Variants in SPMIP2 observed in about 807,000 individuals in gnomAD.
The protein encoded by SPMIP2 is sperm microtubule inner protein 2, also known as protein SPMIP2.
the SPMIP2 span, among the ~76,000 whole-genome samples, chr4:158,992,820 T>TA: frequency 6.6e-6 from 1 of 152,172 alleles, no homozygotes; most frequent in East Asian, 1.9e-4. Context: ...ATAAAGGCTT[T>TA]AATCTCATTC....
chr4:158,922,317 TC>T, the SPMIP2 span, among the ~76,000 whole-genome samples: 1 of 152,082 alleles, frequency 6.6e-6, no homozygotes, highest in Non-Finnish European at 1.5e-5. Context: ...CAGGATGCTC[TC>T]CCCAACAGAC....
At chr4:158,951,289 T>G in the SPMIP2 span, among the ~76,000 whole-genome samples, 5 of 152,222 alleles carry the variant, frequency 3.3e-5, no homozygotes. Context: ...AGAGTGTACT[T>G]ACACAAACCT....
At chr4:158,979,440 G>T in the SPMIP2 span, among the ~76,000 whole-genome samples, 1 of 152,136 alleles carries the variant, frequency 6.6e-6, no homozygotes, top group African/African-American at 2.4e-5. Context: ...TGGCAAGATG[G>T]CTGAGTAGAA....
At chr4:158,971,693 T>C in the SPMIP2 span, among the ~76,000 whole-genome samples, 2 of 152,168 alleles carry the variant, frequency 1.3e-5, no homozygotes, top group Non-Finnish European at 2.9e-5. Flanking sequence ...TACATGCTAG[T>C]TACTGCTTCT....
At chr4:159,071,146 T>G in the SPMIP2 span, among the ~76,000 whole-genome samples, 2 of 152,172 alleles carry the variant, frequency 1.3e-5, no homozygotes, top group Non-Finnish European at 2.9e-5. Context: ...GCAAAAAAAA[T>G]TATTAGTGGC....
chr4:158,969,527 A>G, the SPMIP2 span, among the ~76,000 whole-genome samples: 1 of 152,220 alleles, frequency 6.6e-6, no homozygotes, highest in Non-Finnish European at 1.5e-5. Flanking sequence ...ACATTAAAAA[A>G]TCTGGAAGAG....
At chr4:159,009,625 C>CATGG in the SPMIP2 span, among the ~76,000 whole-genome samples, 4 of 152,236 alleles carry the variant, frequency 2.6e-5, no homozygotes, top group South Asian at 8.3e-4. Flanking sequence ...ATCTTATCTT[C>CATGG]AAATGTCCCC....
At chr4:158,920,719 T>A in the SPMIP2 span, among the ~76,000 whole-genome samples, 1 of 152,250 alleles carries the variant, frequency 6.6e-6, no homozygotes, top group African/African-American at 2.4e-5. Flanking sequence ...ACAGAGACCC[T>A]TATCAGTAGT....
At chr4:158,944,457 T>G in the SPMIP2 span, among the ~76,000 whole-genome samples, 30 of 152,314 alleles carry the variant, frequency 2.0e-4, no homozygotes, top group African/African-American at 6.5e-4. Context: ...CAATCAGAGT[T>G]TGAATTTCCT....
chr4:159,070,886 G>T, the SPMIP2 span, among the ~76,000 whole-genome samples: 1 of 152,162 alleles, frequency 6.6e-6, no homozygotes, highest in South Asian at 2.1e-4. Context: ...GTTGCCAGGC[G>T]AGAACTCATC....
the SPMIP2 span, among the ~76,000 whole-genome samples, chr4:159,060,115 G>C: frequency 1.2e-4 from 19 of 152,174 alleles, no homozygotes; most frequent in Non-Finnish European, 2.2e-4. Flanking sequence ...TGAATTTCCA[G>C]TAGAATTCTA....
At chr4:159,063,923 T>C in the SPMIP2 span, among the ~76,000 whole-genome samples, 1 of 152,190 alleles carries the variant, frequency 6.6e-6, no homozygotes, top group Non-Finnish European at 1.5e-5. Context: ...GAAAAACGTA[T>C]GAGGAAATTT....
At chr4:159,016,021 G>C in the SPMIP2 span, among the ~76,000 whole-genome samples, 1 of 152,236 alleles carries the variant, frequency 6.6e-6, no homozygotes. Context: ...TGGTCAGTCT[G>C]TAGTAGTCAT....
the SPMIP2 span, among the ~76,000 whole-genome samples, chr4:159,082,403 T>C: frequency 2.7e-5 from 4 of 148,748 alleles, no homozygotes; most frequent in South Asian, 6.3e-4. Context: ...AAGAAGAAAA[T>C]CAAGCAGAAA....
At chr4:159,082,471 G>GTA in the SPMIP2 span, among the ~76,000 whole-genome samples, 7 of 149,512 alleles carry the variant, frequency 4.7e-5, no homozygotes, top group South Asian at 2.1e-4. Flanking sequence ...GTGTGTGTGT[G>GTA]TGTGTGTGTG....
At chr4:158,942,152 G>A in the SPMIP2 span, among the ~76,000 whole-genome samples, 1 of 152,234 alleles carries the variant, frequency 6.6e-6, no homozygotes, top group East Asian at 1.9e-4. Flanking sequence ...ACATATTGCT[G>A]TAGAAGCTAG....
the SPMIP2 span, among the ~76,000 whole-genome samples, chr4:158,953,987 T>C: frequency 0.035 from 5,406 of 152,324 alleles, 145 homozygotes; most frequent in Non-Finnish European, 0.052. Context: ...AGAAGGGACT[T>C]GCCTTGTCGC....
chr4:158,923,845 T>G, the SPMIP2 span, among the ~76,000 whole-genome samples: 58 of 149,674 alleles, frequency 3.9e-4, no homozygotes, highest in African/African-American at 1.3e-3. Context: ...TTCTCTGTGG[T>G]TTTTTTTTAT....
chr4:159,009,844 G>A, the SPMIP2 span, among the ~76,000 whole-genome samples: 3 of 152,040 alleles, frequency 2.0e-5, no homozygotes, highest in African/African-American at 7.2e-5. Flanking sequence ...AAATTAGCCC[G>A]ACACAGTGGT....
Sources: gnomAD v4.1 joint callset for allele counts (sites outside exome capture counted in the v4.1 genomes callset) on GRCh38, gnomAD v4.1.1 for gene constraint, MANE v1.5 for transcripts, NCBI Gene and HGNC (gene_info 2026-07-23, HGNC 2026-07-21) for gene names.